FRMPD3: variants seen among roughly 807,000 people sequenced by gnomAD.
The protein encoded by FRMPD3 is FERM and PDZ domain containing 3, also known as FERM and PDZ domain-containing protein 3.
Under a neutral mutation model 97.9 loss-of-function variants are expected in FRMPD3, and 42 were observed. The ratio of observed to expected loss-of-function variants is 0.43; its 90% CI spans 0.34 to 0.55. The LOEUF (loss-of-function observed/expected upper bound fraction) is 0.55. FRMPD3 is among the 20% of genes least tolerant of loss of function. The pLI is 0.03. For synonymous variants in FRMPD3, 577 were observed against 581.1 expected (o/e 0.99, Z 0.10); for missense variants, 1,303 against 1,457.7 (o/e 0.89, Z 1.73).
intron 13 of FRMPD3, among the ~76,000 whole-genome samples, chrX:107,580,267 G>A (rs941621976): frequency 1.5e-4 from 17 of 112,287 alleles, no homozygotes; most frequent in Admixed American, 4.7e-4. Flanking sequence ...GAAAGCTGAT[G>A]AGCAATTTAC....
chrX:107,599,070 C>T (rs1924352912), intron 14 of FRMPD3, among the ~76,000 whole-genome samples: 1 of 110,804 alleles, frequency 9.0e-6, no homozygotes, highest in African/African-American at 3.3e-5. Context: ...GTCAGGAGTT[C>T]GAGATCAGCC....
chrX:107,565,125 G>A, intron 12 of FRMPD3, 59 bp downstream of exon 12: 1 of 1,030,319 alleles, frequency 9.7e-7, no homozygotes, highest in Non-Finnish European at 1.3e-6. Flanking sequence ...AATAGAGGAA[G>A]AAGTAAACTT....
Position 107,602,377 on chromosome X carries a change from G to A in FRMPD3, c.4338G>A (p.Pro1446=), listed in dbSNP as rs759199076. ...LGPKSRSLES[P]TLGDPSYVQV... ...CCAAAAGCAGGTCTCTGGAGTCACC[G>A]ACGCTGGGAGACCCCTCCTACGTCC... Residue 1446 remains proline, a synonymous_variant, in exon 15 of 15, where the codon CCG becomes CCA. Transcript: ENST00000683843. 4 of 1,210,432 alleles carry A rather than the reference G, an allele frequency of 3.3e-6. No homozygotes were observed. The highest frequency in any genetic ancestry group is 5.9e-5 in the East Asian group (2 of 33,815).
At chrX:107,535,788 G>T (rs1206529876) in intron 4 of FRMPD3, among the ~76,000 whole-genome samples, 1 of 110,543 alleles carries the variant, frequency 9.0e-6, no homozygotes, top group Non-Finnish European at 1.9e-5. Flanking sequence ...TCACATGTGG[G>T]TTTATGTCTC....
rs1924651828 is a variant in FRMPD3 at position 107,603,319 on chromosome X, T to C, written c.5280T>C (p.Thr1760=). 5.4e-6 allele frequency: 6 copies of C among 1,109,667 alleles called. No homozygotes were observed. The highest frequency in any genetic ancestry group is 7.1e-6 in the Non-Finnish European group (6 of 846,245). 91.4% of individuals were successfully genotyped at this position (1,109,667 alleles called of 1,213,427 possible). Residue 1760 remains threonine, a synonymous_variant, in exon 15 of 15, where the codon ACT becomes ACC. Transcript: ENST00000683843. ...CAGAGCATCCACCAGGCTCCCCAACTTCGGCGACTGTTATGAGCACATTCA... is the reference window on the plus strand; with the variant it reads ...CAGAGCATCCACCAGGCTCCCCAACCTCGGCGACTGTTATGAGCACATTCA... ...AATEHPPGSP[T]SATVMSTFTH... is the part of the protein sequence containing the mutation.
At chrX:107,479,835 TACACACACACACACACAC>T (rs72364087) in intron 1 of FRMPD3, among the ~76,000 whole-genome samples, 1 of 94,327 alleles carries the variant, frequency 1.1e-5, no homozygotes, top group Non-Finnish European at 2.1e-5. Flanking sequence ...TTACCATGAT[TACACACACACACACACAC>T]ACACACACAC....
At chrX:107,499,636 C>T (rs1921856270) in intron 1 of FRMPD3, among the ~76,000 whole-genome samples, 1 of 112,125 alleles carries the variant, frequency 8.9e-6, no homozygotes, top group African/African-American at 3.2e-5. Context: ...ATAAAAATAG[C>T]TAACATTTGT....
intron 4 of FRMPD3, among the ~76,000 whole-genome samples, chrX:107,541,981 G>A (rs1353657700): frequency 1.8e-5 from 2 of 111,703 alleles, no homozygotes; most frequent in Non-Finnish European, 3.8e-5. Flanking sequence ...GAGATGCCTC[G>A]TTCTACACAC....
chrX:107,541,999 T>G (rs752967649), intron 4 of FRMPD3, among the ~76,000 whole-genome samples: 4 of 113,003 alleles, frequency 3.5e-5, no homozygotes, highest in Non-Finnish European at 3.7e-5. Flanking sequence ...CACTGTGCCA[T>G]GCAGGCATCT....
Position 107,603,475 on chromosome X carries a change from G to C in FRMPD3, c.*102G>C, listed in dbSNP as rs1224139650. On this transcript the variant is annotated 3_prime_UTR_variant, in exon 15 of 15. Coordinates refer to ENST00000683843, the MANE Select transcript of FRMPD3 (RefSeq NM_001388459.1). ...GAGTGTGTGTGTGTCTGCTGGGCCA[G>C]TCAGGGTCCAAGAGCCCATCAGTCT... 9.1e-7 allele frequency: 1 copy of C among 1,094,251 alleles called. No homozygotes were observed. Among genetic ancestry groups the C allele is most frequent in the Non-Finnish European group, 1.2e-6 (1 of 839,379 alleles). The allele number at this position is 1,094,251 out of a possible 1,213,427, so 90.2% of individuals were successfully genotyped here.
chrX:107,582,272 C>T (rs928663756), intron 13 of FRMPD3, among the ~76,000 whole-genome samples: 1 of 110,954 alleles, frequency 9.0e-6, no homozygotes, highest in African/African-American at 3.3e-5. Flanking sequence ...CGACCTCTGC[C>T]TCCTGGGTTC....
At chrX:107,466,989 GGTGTGT>G (rs773231357) in intron 1 of FRMPD3, among the ~76,000 whole-genome samples, 24 of 98,165 alleles carry the variant, frequency 2.4e-4, no homozygotes, top group Admixed American at 1.8e-3. Flanking sequence ...ACAGGTTGGA[GGTGTGT>G]GTGTGTGTGT....
At position 107,576,369 on chromosome X, in the gene FRMPD3, G is replaced by A. The variant is rs1486899512; in HGVS notation, c.1351G>A (p.Ala451Thr). 6 of 1,210,289 alleles carry A rather than the reference G, an allele frequency of 5.0e-6. No homozygotes were observed. The South Asian group carries it at 5.3e-5, about 11-fold the overall frequency. Residue 451 changes from alanine to threonine, a missense_variant, in exon 13 of 15, where the codon GCG (alanine) becomes ACG (threonine). Ala to Thr is a moderately conservative substitution (Grantham distance 58, BLOSUM62 0). This residue lies in a region of FRMPD3 where 535 missense variants were observed against 618.6 expected (regional missense o/e 0.86). Coordinates refer to ENST00000683843, the MANE Select transcript of FRMPD3 (RefSeq NM_001388459.1). ...AGCCACCAACTTTGCCTGCCTGATC[G>A]CGGGGTACTGCCGCCTCTTGCTGGA... The part of the protein sequence containing the change: ...PEATNFACLI[A>T]GYCRLLLDSR...
intron 6 of FRMPD3, among the ~76,000 whole-genome samples, chrX:107,551,391 G>A (rs1303800264): frequency 2.7e-5 from 3 of 111,906 alleles, no homozygotes; most frequent in African/African-American, 9.7e-5. Context: ...TGTGAATATC[G>A]CTTTGTGTCA....
At chrX:107,535,244 A>C (rs1164254472) in intron 4 of FRMPD3, among the ~76,000 whole-genome samples, 1 of 112,482 alleles carries the variant, frequency 8.9e-6, no homozygotes, top group Non-Finnish European at 1.9e-5. Flanking sequence ...TTACTTTTTC[A>C]TCAGAGCTGA....
intron 1 of FRMPD3, among the ~76,000 whole-genome samples, chrX:107,499,063 C>T (rs754394525): frequency 9.1e-6 from 1 of 109,761 alleles, no homozygotes; most frequent in South Asian, 4.1e-4. Flanking sequence ...ATTCCTGTGC[C>T]AGGGATACAG....
chrX:107,521,879 T>C (rs1922518079), intron 1 of FRMPD3, among the ~76,000 whole-genome samples: 2 of 112,707 alleles, frequency 1.8e-5, no homozygotes, highest in Admixed American at 9.3e-5. Flanking sequence ...CTGTTACATT[T>C]CCATCTTCCT....
rs35706267 is a variant in FRMPD3, at chrX:107,572,879, CACTACT to C, written c.1297-3410_1297-3405del. On this transcript the variant is annotated intron_variant, in intron 12 of 14. Coordinates refer to ENST00000683843, the MANE Select transcript of FRMPD3 (RefSeq NM_001388459.1). ...GGAAAACATAGTAAGACCACATCTC[CACTACT>C]ACTACTACTACTACTACTACTACTA... Among the ~76,000 whole-genome samples, 22 of 99,493 alleles carry C rather than the reference CACTACT, an allele frequency of 2.2e-4. 1 individual carries two copies. The South Asian group carries it at 0.01, about 47-fold the overall frequency. 86.4% of individuals were successfully genotyped at this position (99,493 alleles called of 115,157 possible).
Position 107,597,350 on chromosome X carries a change from A to G in FRMPD3, c.1471A>G (p.Thr491Ala). 33 of 1,207,929 alleles carry G rather than the reference A, an allele frequency of 2.7e-5. No individual in the cohort carries two copies. The highest frequency in any genetic ancestry group is 2.5e-4 in the Middle Eastern group (1 of 4,020). Residue 491 changes from threonine (T) to alanine (A), a missense_variant, in exon 14 of 15, where the codon ACT becomes GCT. This residue lies in a region of FRMPD3 where 535 missense variants were observed against 618.6 expected (regional missense o/e 0.86). Transcript: ENST00000683843. The part of the protein sequence containing the change: ...DYMHSAHRPV[T>A]GGHLGKKESS... Reference sequence around the variant, plus strand: ...CATGCACAGCGCCCACCGCCCTGTCACTGGGGGCCACCTGGGGAAAAAGGA... The same window carrying G: ...CATGCACAGCGCCCACCGCCCTGTCGCTGGGGGCCACCTGGGGAAAAAGGA...
Sources: gnomAD v4.1 joint callset for allele counts (sites outside exome capture counted in the v4.1 genomes callset) on GRCh38, gnomAD v4.1.1 for gene constraint, gnomAD v4.1.1 regional missense constraint, MANE v1.5 for transcripts, NCBI Gene and HGNC (gene_info 2026-07-23, HGNC 2026-07-21) for gene names.